EVC2: variants seen among roughly 807,000 people sequenced by gnomAD.
EVC2 encodes limbin.
EVC2 carries 148 observed loss-of-function variants against 149.3 expected under a neutral mutation model. That is an observed-to-expected ratio of 0.99 (90% CI 0.87 to 1.14). The LOEUF (loss-of-function observed/expected upper bound fraction) is 1.14. EVC2 is among the 50% of genes most tolerant of loss of function. The pLI is 0.00. For synonymous variants in EVC2, 776 were observed against 649.9 expected, an observed-to-expected ratio of 1.19 and a Z score of -2.95; for missense variants, 1,854 against 1,627.3, an observed-to-expected ratio of 1.14 and a Z score of -2.40.
In EVC2 at chr4:5,689,463, C is replaced by A. The variant is rs906557415; in HGVS notation, c.520-120G>T. The A allele has an allele frequency of 1.6e-5, 16 of 992,008 alleles. No individual in the cohort carries two copies. In the African/African-American group the frequency reaches 2.4e-4, roughly 15 times the overall value. 61.5% of individuals were successfully genotyped at this position (992,008 alleles called of 1,614,324 possible). On this transcript the variant is annotated intron_variant, in intron 4 of 21. Coordinates refer to ENST00000344408, the MANE Select transcript of EVC2 (RefSeq NM_147127.5). ...AGGAAGAAGGAGGGTAGCACGGTCT[C>A]GCAGAGGGCCTGGGAATTTATCAGT...
Position 5,625,495 on chromosome 4 carries a change from C to T in EVC2, c.2046+254G>A, listed in dbSNP as rs1047926170. ...TCACTCAAACCAGCACTCCTAATTC[C>T]CTTGCCCATGCAGACATTACTAGTC... is the stretch of plus-strand genomic sequence containing the variant. On this transcript the variant is annotated intron_variant, in intron 13 of 21. Coordinates refer to ENST00000344408, the MANE Select transcript of EVC2 (RefSeq NM_147127.5). This position sits in a 1 kb window ranked among gnomAD's most constrained non-coding sequence, Gnocchi z 4.0. 2.0e-5 allele frequency among the ~76,000 whole-genome samples: 3 copies of T among 152,226 alleles called. No homozygotes were observed. The highest frequency in any genetic ancestry group is 7.2e-5 in the African/African-American group (3 of 41,460).
chr4:5,698,448 T>C (rs772391033), intron 1 of EVC2, among the ~76,000 whole-genome samples: 2 of 152,168 alleles, frequency 1.3e-5, no homozygotes, highest in African/African-American at 2.4e-5. Context: ...ATCCCTCTTC[T>C]GAAAAGTGAC....
At chr4:5,683,896 A>C (rs1378278876) in intron 6 of EVC2, among the ~76,000 whole-genome samples, 3 of 149,088 alleles carry the variant, frequency 2.0e-5, no homozygotes, top group South Asian at 2.2e-4. Context: ...ACACAGCTAC[A>C]CGGGAACACA....
rs914761027 is a variant in EVC2 at position 5,562,740 on chromosome 4, T to A, written c.*108A>T. ...CGCTACGGGGTCTGTGCCTTCTGCA[T>A]GTGCAATTTATATTTGCGAGTTGTG... On this transcript the variant is annotated 3_prime_UTR_variant, in exon 22 of 22. Coordinates refer to ENST00000344408, the MANE Select transcript of EVC2 (RefSeq NM_147127.5). This position sits in a 1 kb window ranked among gnomAD's most constrained non-coding sequence, Gnocchi z 4.3. 14 of 1,595,402 alleles carry A rather than the reference T, an allele frequency of 8.8e-6. No homozygotes were observed. The highest frequency in any genetic ancestry group is 1.1e-5 in the Non-Finnish European group (13 of 1,177,790).
chr4:5,633,685 A>G lies in EVC2; in HGVS notation c.1471-1653T>C, dbSNP rs547415114. On this transcript the variant is annotated intron_variant, in intron 10 of 21. Transcript: ENST00000344408. The surrounding 1 kb of genome is among the most constrained non-coding windows in gnomAD (Gnocchi z 4.4). ...AAGCAGGCAGGTGTGGCATCATGCCATGGCTGGGCTGAGTAGAAGCCCGAG... is the reference window on the plus strand; with the variant it reads ...AAGCAGGCAGGTGTGGCATCATGCCGTGGCTGGGCTGAGTAGAAGCCCGAG... 6.6e-6 allele frequency among the ~76,000 whole-genome samples: 1 copy of G among 152,364 alleles called. No individual in the cohort carries two copies. The highest frequency in any genetic ancestry group is 2.4e-5 in the African/African-American group (1 of 41,600).
intron 21 of EVC2, among the ~76,000 whole-genome samples, chr4:5,556,179 C>CAA (rs61024761): frequency 2.6e-4 from 17 of 65,034 alleles, no homozygotes; most frequent in East Asian, 1.3e-3. Context: ...GACTCCGTCT[C>CAA]AAAAAAAAAA....
At chr4:5,610,184 C>T (rs150715549) in intron 16 of EVC2, among the ~76,000 whole-genome samples, 111 of 152,262 alleles carry the variant, frequency 7.3e-4, no homozygotes, top group African/African-American at 2.6e-3. Context: ...TATATATGGA[C>T]TATGGACATA....
At chr4:5,662,438 T>C (rs947299116) in intron 9 of EVC2, among the ~76,000 whole-genome samples, 2 of 147,004 alleles carry the variant, frequency 1.4e-5, no homozygotes. Context: ...AATAGTTTAT[T>C]GAATAAACTA....
intron 17 of EVC2, among the ~76,000 whole-genome samples, chr4:5,581,583 A>G (rs1196140447): frequency 1.3e-5 from 2 of 152,186 alleles, no homozygotes; most frequent in Non-Finnish European, 2.9e-5. Flanking sequence ...AAAGCATTCA[A>G]GATGTAACCT....
At chr4:5,597,031 C>A (rs936483390) in intron 16 of EVC2, among the ~76,000 whole-genome samples, 5 of 152,156 alleles carry the variant, frequency 3.3e-5, no homozygotes, top group African/African-American at 1.2e-4. Context: ...GCTGAAATCT[C>A]GGAATAGACT....
Position 5,640,723 on chromosome 4 carries a change from A to T in EVC2, c.1261T>A (p.Ser421Thr), listed in dbSNP as rs142318910. ...CTCATTTTTCTCTCTACTTGGGGTG[A>T]GAGGTGGCCACTGCTGGTGAGATTT... ...LKNLTSSGHL[S>T]PQVERKMSAV... The change falls in exon 10 of 22, where the codon TCA becomes ACA. Residue 421 changes from serine to threonine, a missense_variant. Ser to Thr is a moderately conservative substitution (Grantham distance 58). Coordinates refer to ENST00000344408, the MANE Select transcript of EVC2 (RefSeq NM_147127.5). The surrounding 1 kb of genome is among the most constrained non-coding windows in gnomAD (Gnocchi z 4.6). 1 of 1,614,008 alleles carries T rather than the reference A, an allele frequency of 6.2e-7. No individual in the cohort carries two copies. The highest frequency in any genetic ancestry group is 8.5e-7 in the Non-Finnish European group (1 of 1,180,030).
At chr4:5,652,791 G>A (rs1718240332) in intron 9 of EVC2, among the ~76,000 whole-genome samples, 1 of 152,204 alleles carries the variant, frequency 6.6e-6, no homozygotes, top group South Asian at 2.1e-4. Context: ...AGAATGATTT[G>A]AAGATATGAA....
intron 16 of EVC2, among the ~76,000 whole-genome samples, chr4:5,608,507 T>C (rs895417745): frequency 1.3e-5 from 2 of 152,150 alleles, no homozygotes; most frequent in African/African-American, 2.4e-5. Flanking sequence ...TGTGGATGTT[T>C]CTGAAAGAGA....
Position 5,650,638 on chromosome 4 carries a change from T to TAGAGAGAGAG in EVC2, c.1146-9810_1146-9801dup, listed in dbSNP as rs375595646. On this transcript the variant is annotated intron_variant, in intron 9 of 21. Transcript: ENST00000344408. ...ATATATATATATATATATATATATA[T>TAGAGAGAGAG]AGAGAGAGAGAGAGAGAGAGAGAGA... Among the ~76,000 whole-genome samples the TAGAGAGAGAG allele has an allele frequency of 3.1e-3, 138 of 45,060 alleles. 4 individuals carry two copies. The highest frequency in any genetic ancestry group is 4.3e-3 in the Non-Finnish European group (107 of 25,088). The allele number at this position is 45,060 out of a possible 152,430, so 29.6% of individuals were successfully genotyped here.
rs1013600 is a variant in EVC2, at chr4:5,631,478, G to A, written c.1710+315C>T. Among the ~76,000 whole-genome samples, 68,958 of 151,794 alleles carry A rather than the reference G, an allele frequency of 0.45. 19,167 individuals are homozygous for A. The highest frequency in any genetic ancestry group is 0.78 in the African/African-American group (32,255 of 41,430). ...ATCAAATTTCCATCACACCCTCGTGGGTGTGGGCATTCTATCACACTCATC... is the reference window on the plus strand; with the variant it reads ...ATCAAATTTCCATCACACCCTCGTGAGTGTGGGCATTCTATCACACTCATC... On this transcript the variant is annotated intron_variant, in intron 11 of 21. Transcript: ENST00000344408.
chr4:5,644,257 C>T (rs926843246), intron 9 of EVC2, among the ~76,000 whole-genome samples: 2 of 152,048 alleles, frequency 1.3e-5, no homozygotes, highest in South Asian at 4.2e-4. Context: ...TTTTGAGTGA[C>T]CTTTAAAAAT....
chr4:5,617,050 T>G (rs567012491), intron 15 of EVC2, among the ~76,000 whole-genome samples: 2 of 152,222 alleles, frequency 1.3e-5, no homozygotes, highest in Admixed American at 1.3e-4. Context: ...TCTTATTCTG[T>G]ATCTCCCACA....
At chr4:5,628,248 G>A (rs1482583542) in intron 12 of EVC2, among the ~76,000 whole-genome samples, 1 of 151,794 alleles carries the variant, frequency 6.6e-6, no homozygotes, top group African/African-American at 2.4e-5. Context: ...TTAAGAGACG[G>A]GACCTTTACG....
Position 5,615,407 on chromosome 4 carries a change from AG to A in EVC2, c.2829+14del. Reference sequence around the variant, plus strand: ...TGTGCAGAGAGAAACAGCTGGGTGAAGCAGATGTACTGACCTTTTCCACCAG... The same window carrying A: ...TGTGCAGAGAGAAACAGCTGGGTGAACAGATGTACTGACCTTTTCCACCAG... On this transcript the variant is annotated intron_variant, in intron 16 of 21. Transcript: ENST00000344408. 1 of 1,614,156 alleles carries A rather than the reference AG, an allele frequency of 6.2e-7. No individual in the cohort carries two copies. The highest frequency in any genetic ancestry group is 8.5e-7 in the Non-Finnish European group (1 of 1,180,004).
Sources: allele counts gnomAD v4.1 joint callset (sites outside exome capture counted in the v4.1 genomes callset), GRCh38; gene constraint gnomAD v4.1.1; non-coding constraint Gnocchi (gnomAD v3.1); transcripts MANE v1.5; gene names NCBI Gene and HGNC (gene_info 2026-07-23, HGNC 2026-07-21).